The following STRN3 variants were observed in gnomAD, a reference collection of about 807,000 sequenced individuals.
STRN3 encodes striatin-3.
STRN3 carries 29 observed loss-of-function variants against 95.6 expected under a neutral mutation model. The ratio of observed to expected loss-of-function variants is 0.30; its 90% CI spans 0.23 to 0.41. The LOEUF is 0.41. STRN3 is among the 10% of genes least tolerant of loss of function. The pLI is 1.00. For missense variants in STRN3, 890 were observed against 972.1 expected (o/e 0.92, Z 1.12); for synonymous variants, 331 against 357.6 (o/e 0.93, Z 0.84).
chr14:30,973,392 GAGAA>G (rs1281900546), intron 1 of STRN3, among the ~76,000 whole-genome samples: 1 of 151,902 alleles, frequency 6.6e-6, no homozygotes, highest in East Asian at 1.9e-4. Flanking sequence ...GACAGAGAGA[GAGAA>G]AGAGAGAAGG....
intron 16 of STRN3, among the ~76,000 whole-genome samples, chr14:30,900,473 G>A (rs1486528519): frequency 1.3e-5 from 2 of 149,774 alleles, no homozygotes; most frequent in African/African-American, 4.9e-5. Flanking sequence ...GTGTGTTCAG[G>A]CACAGTGGCT....
intron 8 of STRN3, among the ~76,000 whole-genome samples, chr14:30,926,822 G>T (rs2139040900): frequency 6.6e-6 from 1 of 152,074 alleles, no homozygotes; most frequent in Admixed American, 6.5e-5. Flanking sequence ...ATGAATTTGG[G>T]GTCTCCAGTA....
intron 3 of STRN3, among the ~76,000 whole-genome samples, chr14:30,951,280 G>A (rs191207456): frequency 4.6e-5 from 7 of 152,028 alleles, no homozygotes; most frequent in Admixed American, 2.0e-4. Context: ...CTGTCACCCA[G>A]CCTGGAGTAC....
intron 5 of STRN3, among the ~76,000 whole-genome samples, chr14:30,938,087 T>G (rs1181279507): frequency 6.7e-6 from 1 of 149,378 alleles, no homozygotes; most frequent in Non-Finnish European, 1.5e-5. Flanking sequence ...ATTATTTTAT[T>G]TTTTAATTGT....
intron 9 of STRN3, among the ~76,000 whole-genome samples, chr14:30,914,224 A>G (rs1189799127): frequency 6.6e-6 from 1 of 152,228 alleles, no homozygotes; most frequent in Non-Finnish European, 1.5e-5. Flanking sequence ...AGTTCACTAG[A>G]ATGAAGCTTT....
At chr14:30,911,294 A>AATTTT in intron 12 of STRN3, 132 bp from the exon 13 acceptor site, 1 of 718,748 alleles carries the variant, frequency 1.4e-6, no homozygotes, top group Non-Finnish European at 2.0e-6. Flanking sequence ...CCTGACTGGT[A>AATTTT]CTTTTTTTTT....
At chr14:30,937,555 C>CA (rs1446626486) in intron 5 of STRN3, among the ~76,000 whole-genome samples, 3 of 151,972 alleles carry the variant, frequency 2.0e-5, no homozygotes, top group East Asian at 1.9e-4. Context: ...TATGCACACA[C>CA]AAAAAAAGGT....
chr14:30,906,397 A>G (rs943252266), intron 14 of STRN3, among the ~76,000 whole-genome samples: 1 of 152,238 alleles, frequency 6.6e-6, no homozygotes, highest in Non-Finnish European at 1.5e-5. Context: ...AACTGGTTAA[A>G]GCCTTTTTAA....
chr14:31,008,500 C>T (rs1882822292), intron 1 of STRN3, among the ~76,000 whole-genome samples: 1 of 152,022 alleles, frequency 6.6e-6, no homozygotes, highest in South Asian at 2.1e-4. Context: ...AGAGCAAGAC[C>T]TTGTCTCAAA....
chr14:30,923,174 C>CTTAA (rs1222967687), intron 8 of STRN3, among the ~76,000 whole-genome samples: 1 of 152,144 alleles, frequency 6.6e-6, no homozygotes, highest in African/African-American at 2.4e-5. Flanking sequence ...TAAAAGCCTA[C>CTTAA]TTAAGAGTAA....
At chr14:30,984,764 A>T (rs966570101) in intron 1 of STRN3, among the ~76,000 whole-genome samples, 1 of 151,930 alleles carries the variant, frequency 6.6e-6, no homozygotes, top group Non-Finnish European at 1.5e-5. Flanking sequence ...GCCTGGCGAC[A>T]AAGCAAGACT....
intron 1 of STRN3, among the ~76,000 whole-genome samples, chr14:30,960,381 A>G (rs1880130333): frequency 6.6e-6 from 1 of 152,206 alleles, no homozygotes; most frequent in African/African-American, 2.4e-5. Flanking sequence ...ACAATAAGAT[A>G]TAACACTGCA....
In STRN3 at chr14:30,900,486, C is replaced by T. The variant is rs953207988; in HGVS notation, c.2137+2050G>A. Among the ~76,000 whole-genome samples the T allele has an allele frequency of 3.4e-5, 5 of 148,890 alleles. No homozygotes were observed. The South Asian group carries it at 6.3e-4, about 19-fold the overall frequency. ...GTGTGTGTTCAGGCACAGTGGCTTA[C>T]GCCTGTAATCCCAGAACTTTGGGAG... On this transcript the variant is annotated intron_variant, in intron 16 of 17. Transcript: ENST00000357479.
intron 4 of STRN3, among the ~76,000 whole-genome samples, chr14:30,948,432 G>A (rs944864646): frequency 2.6e-5 from 4 of 152,028 alleles, no homozygotes; most frequent in East Asian, 3.9e-4. Flanking sequence ...GAGAAAGTCT[G>A]GGTATACAAA....
At chr14:30,953,285 T>C (rs1879743069) in intron 3 of STRN3, among the ~76,000 whole-genome samples, 1 of 152,158 alleles carries the variant, frequency 6.6e-6, no homozygotes, top group African/African-American at 2.4e-5. Flanking sequence ...CCAAAAGCCT[T>C]TCTTGTGCCC....
chr14:30,992,852 A>G (rs1303651658), intron 1 of STRN3, among the ~76,000 whole-genome samples: 2 of 152,044 alleles, frequency 1.3e-5, no homozygotes, highest in Non-Finnish European at 2.9e-5. Context: ...ATTTCTAAAA[A>G]CAAACAAACA....
intron 1 of STRN3, 90 bp downstream of exon 1, chr14:31,025,814 G>GCCGGCT: frequency 6.6e-7 from 1 of 1,515,718 alleles, no homozygotes; most frequent in South Asian, 1.2e-5. Flanking sequence ...CTCCCAAGGC[G>GCCGGCT]CCGGCTCCGG....
intron 1 of STRN3, among the ~76,000 whole-genome samples, chr14:30,964,039 G>T (rs1478289578): frequency 6.6e-6 from 1 of 152,108 alleles, no homozygotes; most frequent in East Asian, 1.9e-4. Context: ...ATCACTTGAG[G>T]TCAGGAGTTC....
intron 1 of STRN3, among the ~76,000 whole-genome samples, chr14:31,023,791 CTTA>C (rs1423474530): frequency 1.4e-5 from 2 of 147,914 alleles, no homozygotes; most frequent in African/African-American, 2.5e-5. Flanking sequence ...AACTAGAAAC[CTTA>C]TTAAGTTAAC....
Sources: gnomAD v4.1 joint callset for allele counts (sites outside exome capture counted in the v4.1 genomes callset) on GRCh38, gnomAD v4.1.1 for gene constraint, MANE v1.5 for transcripts, NCBI Gene and HGNC (gene_info 2026-07-23, HGNC 2026-07-21) for gene names.